The following EPHB2 variants were observed in gnomAD, a reference collection of about 807,000 sequenced individuals.
EPHB2 encodes the protein EPH receptor B2, also known as ephrin type-B receptor 2.
EPHB2 carries 18 observed loss-of-function variants against 96.4 expected under a neutral mutation model. The observed-to-expected ratio is 0.19, with a 90% CI of 0.13 to 0.28. The LOEUF is 0.28. EPHB2 is among the 10% of genes least tolerant of loss of function. The pLI, the probability that EPHB2 is intolerant of heterozygous loss-of-function variation, is 1.00. For synonymous variants in EPHB2, 506 were observed against 534.1 expected, an observed-to-expected ratio of 0.95 and a Z score of 0.72; for missense variants, 989 against 1,355.4, an observed-to-expected ratio of 0.73 and a Z score of 4.25.
intron 3 of EPHB2, among the ~76,000 whole-genome samples, chr1:22,839,695 A>C (rs944371342): frequency 1.3e-5 from 2 of 152,204 alleles, no homozygotes; most frequent in African/African-American, 4.8e-5. Flanking sequence ...CAGATGCCTC[A>C]GGTGTCTGAG....
intron 3 of EPHB2, among the ~76,000 whole-genome samples, chr1:22,825,877 G>A (rs114797499): frequency 3.0e-4 from 46 of 152,350 alleles, no homozygotes; most frequent in African/African-American, 8.9e-4. Flanking sequence ...AATGAGGATC[G>A]TCTGGGGGGA....
intron 1 of EPHB2, among the ~76,000 whole-genome samples, chr1:22,721,677 C>T (rs1013244575): frequency 3.3e-5 from 5 of 152,026 alleles, no homozygotes; most frequent in East Asian, 1.9e-4. Context: ...AGTGCAGTGA[C>T]GCAATCGCAG....
chr1:22,797,899 G>A (rs759700524), intron 3 of EPHB2, among the ~76,000 whole-genome samples: 20 of 152,128 alleles, frequency 1.3e-4, no homozygotes, highest in Non-Finnish European at 2.5e-4. Flanking sequence ...TTGCTCCATC[G>A]TCTTCTTCAG....
At chr1:22,720,669 C>CG (rs1553158002) in intron 1 of EPHB2, among the ~76,000 whole-genome samples, 2 of 114,416 alleles carry the variant, frequency 1.7e-5, no homozygotes, top group African/African-American at 6.1e-5. Context: ...TTCCCCCCCC[C>CG]CCCCGCCCCA....
intron 1 of EPHB2, among the ~76,000 whole-genome samples, chr1:22,732,560 C>T (rs987590198): frequency 3.3e-5 from 5 of 152,210 alleles, no homozygotes; most frequent in African/African-American, 1.2e-4. Flanking sequence ...GATATACACA[C>T]GCACACGAAT....
chr1:22,860,520 G>A lies in EPHB2; in HGVS notation c.812-2517G>A, dbSNP rs1645778395. On this transcript the variant is annotated intron_variant, in intron 3 of 15. Transcript: ENST00000374630. This position sits in a 1 kb window ranked among gnomAD's most constrained non-coding sequence, Gnocchi z 4.6. ...CCTGGGGAGTCTGAGAGGGAGCCAGGACACTGCAAGGGGGAGAGGGCAGCC... is the reference window on the plus strand; with the variant it reads ...CCTGGGGAGTCTGAGAGGGAGCCAGAACACTGCAAGGGGGAGAGGGCAGCC... 6.6e-6 allele frequency among the ~76,000 whole-genome samples: 1 copy of A among 152,120 alleles called. No individual in the cohort carries two copies. Among genetic ancestry groups the A allele is most frequent in the East Asian group, 1.9e-4 (1 of 5,186 alleles).
intron 3 of EPHB2, among the ~76,000 whole-genome samples, chr1:22,799,032 G>C (rs1644805739): frequency 6.6e-6 from 1 of 152,172 alleles, no homozygotes; most frequent in South Asian, 2.1e-4. Context: ...ATATGTGCGT[G>C]TGTCACGGCA....
intron 3 of EPHB2, among the ~76,000 whole-genome samples, chr1:22,855,233 G>C (rs1007376907): frequency 6.6e-6 from 1 of 152,188 alleles, no homozygotes; most frequent in South Asian, 2.1e-4. Context: ...CAGTGAAGCC[G>C]CCAGCCCCCC....
intron 1 of EPHB2, among the ~76,000 whole-genome samples, chr1:22,713,204 G>A (rs1337101287): frequency 6.6e-6 from 1 of 152,134 alleles, no homozygotes; most frequent in African/African-American, 2.4e-5. Flanking sequence ...CTCTTGTTCC[G>A]TTTGCCCCCT....
Position 22,896,350 on chromosome 1 carries a change from A to C in EPHB2, c.1701-64A>C. 2.5e-6 allele frequency: 4 copies of C among 1,609,402 alleles called. No individual in the cohort carries two copies. In the South Asian group the frequency reaches 4.4e-5, roughly 18 times the overall value. ...CCTGCCCACCCTCTCCCTATCACCTACTGTGGCTCCCAGCTCCCTGGGCGC... is the reference window on the plus strand; with the variant it reads ...CCTGCCCACCCTCTCCCTATCACCTCCTGTGGCTCCCAGCTCCCTGGGCGC... On this transcript the variant is annotated intron_variant, in intron 8 of 15. Coordinates refer to ENST00000374630, the MANE Select transcript of EPHB2 (RefSeq NM_017449.5).
chr1:22,847,594 G>A (rs1645562291), intron 3 of EPHB2, among the ~76,000 whole-genome samples: 2 of 152,284 alleles, frequency 1.3e-5, no homozygotes, highest in South Asian at 4.1e-4. Flanking sequence ...TGGAGTGTGA[G>A]GGGCCCAGGG....
At position 22,913,621 on chromosome 1, in the gene EPHB2, C is replaced by G. The variant is rs140655693; in HGVS notation, c.*51C>G. The G allele has an allele frequency of 2.0e-4, 326 of 1,610,132 alleles. 1 individual carries two copies. In the African/African-American group the frequency reaches 3.6e-3, roughly 18 times the overall value. The stretch of plus-strand genomic sequence containing the variant: ...TCCTCCAAGCCCCGCCCCCTCTGCC[C>G]CACGTGCCGGCCCTCCTGGTGCTCT... On this transcript the variant is annotated 3_prime_UTR_variant, in exon 16 of 16. Coordinates refer to ENST00000374630, the MANE Select transcript of EPHB2 (RefSeq NM_017449.5). The surrounding 1 kb of genome is among the most constrained non-coding windows in gnomAD (Gnocchi z 4.1).
chr1:22,840,756 C>G (rs991072463), intron 3 of EPHB2, among the ~76,000 whole-genome samples: 2 of 152,174 alleles, frequency 1.3e-5, no homozygotes, highest in African/African-American at 2.4e-5. Context: ...CCACCATGCC[C>G]GGCTCCCCAA....
intron 1 of EPHB2, among the ~76,000 whole-genome samples, chr1:22,775,677 C>G (rs564746256): frequency 6.6e-6 from 1 of 152,230 alleles, no homozygotes; most frequent in East Asian, 1.9e-4. Flanking sequence ...CTCCCCAGCC[C>G]GGCAGTCAGG....
At chr1:22,802,431 C>T (rs183999691) in intron 3 of EPHB2, among the ~76,000 whole-genome samples, 1 of 152,176 alleles carries the variant, frequency 6.6e-6, no homozygotes, top group East Asian at 1.9e-4. Context: ...GGGGAGGTGG[C>T]AGGCTTTGAG....
chr1:22,757,670 T>G (rs937117389), intron 1 of EPHB2, among the ~76,000 whole-genome samples: 1 of 152,122 alleles, frequency 6.6e-6, no homozygotes, highest in African/African-American at 2.4e-5. Flanking sequence ...AAGACCAGCC[T>G]GGGTAACATG....
chr1:22,899,709 T>C (rs1051963199), intron 9 of EPHB2, among the ~76,000 whole-genome samples: 5 of 152,158 alleles, frequency 3.3e-5, no homozygotes, highest in Non-Finnish European at 7.3e-5. Context: ...ATAAAGGTCA[T>C]AGGCCAGGTG....
At chr1:22,781,509 T>C (rs200264749) in intron 2 of EPHB2, 24 bp downstream of exon 2, 1 of 1,612,884 alleles carries the variant, frequency 6.2e-7, no homozygotes. Flanking sequence ...CCCCAAACCT[T>C]GCATTGGTCC....
intron 6 of EPHB2, 53 bp from the exon 7 acceptor site, chr1:22,892,831 T>C (rs761020540): frequency 6.2e-7 from 1 of 1,611,142 alleles, no homozygotes; most frequent in South Asian, 1.1e-5. Context: ...CAGTGGGCTC[T>C]GGACCCACTA....
Sources: gnomAD v4.1 joint callset for allele counts (sites outside exome capture counted in the v4.1 genomes callset) on GRCh38, gnomAD v4.1.1 for gene constraint, Gnocchi (gnomAD v3.1) non-coding constraint, MANE v1.5 for transcripts, NCBI Gene and HGNC (gene_info 2026-07-23, HGNC 2026-07-21) for gene names.